Variants in UBE2R2 observed in about 807,000 individuals in gnomAD.
UBE2R2 encodes the protein ubiquitin conjugating enzyme E2 R2.
UBE2R2 carries 1 observed loss-of-function variant against 27.8 expected under a neutral mutation model. The ratio of observed to expected loss-of-function variants is 0.04; its 90% CI spans 0.01 to 0.17. The LOEUF (loss-of-function observed/expected upper bound fraction) is 0.17, where lower values mean the gene tolerates loss of function less well. Among genes scored for constraint, UBE2R2 ranks in the 10% least tolerant of loss-of-function variants. The pLI is 1.00. For missense variants in UBE2R2, 100 were observed against 291.0 expected, an observed-to-expected ratio of 0.34 and a Z score of 4.78; for synonymous variants, 106 against 113.3, an observed-to-expected ratio of 0.94 and a Z score of 0.41.
intron 3 of UBE2R2, among the ~76,000 whole-genome samples, 156 bp downstream of exon 3, chr9:33,900,427 C>T (rs1822218574): frequency 6.6e-6 from 1 of 152,118 alleles, no homozygotes; most frequent in Non-Finnish European, 1.5e-5. Context: ...AATATGTATG[C>T]GTCATTTTGA....
chr9:33,860,942 TTTTG>T (rs1183030601), intron 1 of UBE2R2, among the ~76,000 whole-genome samples: 54 of 150,662 alleles, frequency 3.6e-4, no homozygotes, highest in Middle Eastern at 3.4e-3. Context: ...TTAAGTTTTT[TTTTG>T]TTTGTTTGTT....
chr9:33,911,423 A>AAG (rs1822486327), intron 3 of UBE2R2, among the ~76,000 whole-genome samples: 1 of 145,968 alleles, frequency 6.9e-6, no homozygotes, highest in South Asian at 2.2e-4. Flanking sequence ...AAAAAAAAAA[A>AAG]AAAAAAAAAA....
chr9:33,829,613 T>C (rs1376317844), intron 1 of UBE2R2, among the ~76,000 whole-genome samples: 1 of 152,156 alleles, frequency 6.6e-6, no homozygotes, highest in Non-Finnish European at 1.5e-5. Flanking sequence ...GAAAGTTAAA[T>C]TTCTCAATAC....
intron 2 of UBE2R2, among the ~76,000 whole-genome samples, chr9:33,899,225 T>TA (rs1215027471): frequency 6.6e-6 from 1 of 151,860 alleles, no homozygotes; most frequent in Non-Finnish European, 1.5e-5. Context: ...TTTTTTTTTT[T>TA]AAGATGGAGT....
At chr9:33,841,419 C>T (rs1373613394) in intron 1 of UBE2R2, among the ~76,000 whole-genome samples, 2 of 152,126 alleles carry the variant, frequency 1.3e-5, no homozygotes, top group Admixed American at 6.6e-5. Flanking sequence ...AAGTTGACTC[C>T]TGAATGACTT....
intron 1 of UBE2R2, among the ~76,000 whole-genome samples, chr9:33,866,081 C>G (rs1031992717): frequency 2.0e-5 from 3 of 151,968 alleles, no homozygotes; most frequent in African/African-American, 4.8e-5. Flanking sequence ...ATCCACCCAC[C>G]TCAGCCTCCC....
rs1435783363 is a variant in UBE2R2, at chr9:33,877,819, G to GTCTCTCTCTCTCTCTCTCTCTCTC, written c.178-9059_178-9058insCTCTCTCTCTCTCTCTCTCTCTCT. Among the ~76,000 whole-genome samples, 46 of 92,980 alleles carry GTCTCTCTCTCTCTCTCTCTCTCTC rather than the reference G, an allele frequency of 4.9e-4. 1 individual carries two copies. The highest frequency in any genetic ancestry group is 3.1e-3 in the South Asian group (8 of 2,560). 61.0% of individuals were successfully genotyped at this position (92,980 alleles called of 152,430 possible). ...CCCCTCTCTGTCTGTCTGTCTGTCT[G>GTCTCTCTCTCTCTCTCTCTCTCTC]TCTGTCTCTCTCTCTCTCTCTCTCT... is the stretch of plus-strand genomic sequence containing the variant. On this transcript the variant is annotated intron_variant, in intron 1 of 4. Transcript: ENST00000263228.
intron 1 of UBE2R2, among the ~76,000 whole-genome samples, chr9:33,869,688 G>C (rs1335899711): frequency 6.6e-6 from 1 of 152,034 alleles, no homozygotes; most frequent in Non-Finnish European, 1.5e-5. Flanking sequence ...GACCTCAGGT[G>C]ATCTGCCCAC....
intron 2 of UBE2R2, among the ~76,000 whole-genome samples, chr9:33,894,765 CTGTT>C (rs1362279049): frequency 1.3e-5 from 2 of 152,190 alleles, no homozygotes; most frequent in African/African-American, 4.8e-5. Flanking sequence ...GGTTTGCTGG[CTGTT>C]ATCTGTGGTC....
intron 1 of UBE2R2, among the ~76,000 whole-genome samples, chr9:33,867,600 AAT>A (rs1587456693): frequency 6.6e-6 from 1 of 152,118 alleles, no homozygotes; most frequent in Non-Finnish European, 1.5e-5. Context: ...TTTTGCTTTT[AAT>A]TTGCATTTCC....
At chr9:33,914,849 A>T (rs1485561782) in intron 4 of UBE2R2, among the ~76,000 whole-genome samples, 1 of 151,426 alleles carries the variant, frequency 6.6e-6, no homozygotes, top group Non-Finnish European at 1.5e-5. Flanking sequence ...AAAAAAAAAG[A>T]CAGTCAGCTG....
At position 33,918,955 on chromosome 9, in the gene UBE2R2, T is replaced by A. The variant is rs1822727247; in HGVS notation, c.*1718T>A. On this transcript the variant is annotated 3_prime_UTR_variant, in exon 5 of 5. Transcript: ENST00000263228. The stretch of plus-strand genomic sequence containing the variant: ...CTTCCCAGCAGCCCTTCCCGGCCTC[T>A]AAAGTTTGGTCCCAGCAGCCCTTCC... 6.5e-6 allele frequency: 1 copy of A among 153,034 alleles called. No individual in the cohort carries two copies. Among genetic ancestry groups the A allele is most frequent in the Admixed American group, 6.5e-5 (1 of 15,276 alleles). 9.5% of individuals were successfully genotyped at this position (153,034 alleles called of 1,614,324 possible). A position where few individuals can be genotyped will look rare whatever the true frequency, so the allele number is the denominator to read the frequency against.
At chr9:33,887,236 C>T (rs1821880028) in intron 2 of UBE2R2, among the ~76,000 whole-genome samples, 1 of 152,134 alleles carries the variant, frequency 6.6e-6, no homozygotes, top group Admixed American at 6.6e-5. Flanking sequence ...TTATAATACA[C>T]ATGTCTTTAA....
intron 1 of UBE2R2, among the ~76,000 whole-genome samples, chr9:33,819,000 G>A (rs1183341627): frequency 2.0e-5 from 3 of 152,010 alleles, no homozygotes; most frequent in East Asian, 3.8e-4. Context: ...TGTTTGTTTT[G>A]TTTTGTTTTT....
intron 3 of UBE2R2, among the ~76,000 whole-genome samples, chr9:33,909,287 A>T (rs1822434006): frequency 6.6e-6 from 1 of 151,962 alleles, no homozygotes; most frequent in Non-Finnish European, 1.5e-5. Flanking sequence ...GGAGTTTGAG[A>T]CCACCCTGGC....
chr9:33,857,312 T>TG (rs1243814261), intron 1 of UBE2R2, among the ~76,000 whole-genome samples: 2 of 151,844 alleles, frequency 1.3e-5, no homozygotes, highest in African/African-American at 4.8e-5. Context: ...AAATTAGTGT[T>TG]GACTTTTATT....
chr9:33,887,001 A>ATT (rs748845797), intron 2 of UBE2R2, 34 bp downstream of exon 2: 11 of 1,350,834 alleles, frequency 8.1e-6, no homozygotes, highest in African/African-American at 1.5e-5. Context: ...TTCTCTGAAG[A>ATT]TTTTTTTTTT....
chr9:33,842,808 A>G (rs1464546614), intron 1 of UBE2R2, among the ~76,000 whole-genome samples: 3 of 152,068 alleles, frequency 2.0e-5, no homozygotes, highest in African/African-American at 7.2e-5. Flanking sequence ...CTGGATTTTG[A>G]TGTATATAAA....
At chr9:33,875,775 GA>G (rs1821589955) in intron 1 of UBE2R2, among the ~76,000 whole-genome samples, 1 of 152,078 alleles carries the variant, frequency 6.6e-6, no homozygotes, top group Admixed American at 6.6e-5. Flanking sequence ...ATAAAAGATA[GA>G]AAAATGTAAA....
Sources: gnomAD v4.1 joint callset for allele counts (sites outside exome capture counted in the v4.1 genomes callset) on GRCh38, gnomAD v4.1.1 for gene constraint, MANE v1.5 for transcripts, NCBI Gene and HGNC (gene_info 2026-07-23, HGNC 2026-07-21) for gene names.